Variants in FOXP2 observed in about 807,000 individuals in gnomAD.
FOXP2 encodes forkhead box P2.
FOXP2 carries 12 observed loss-of-function variants against 115.8 expected under a neutral mutation model. That is an observed-to-expected ratio of 0.10 (90% CI 0.07 to 0.17). The LOEUF is 0.17. Ranked by LOEUF, FOXP2 falls within the 10% of genes least tolerant of loss-of-function variation. The pLI, the probability that FOXP2 is intolerant of heterozygous loss-of-function variation, is 1.00. For missense variants in FOXP2, 629 were observed against 843.5 expected (o/e 0.75, Z 3.15); for synonymous variants, 328 against 297.7 (o/e 1.10, Z -1.05).
chr7:114,249,337 T>C lies in FOXP2; in HGVS notation c.-101-38682T>C, dbSNP rs554928929. Among the ~76,000 whole-genome samples the C allele has an allele frequency of 2.0e-5, 3 of 152,184 alleles. No homozygotes were observed. In the East Asian group the frequency reaches 5.8e-4, roughly 29 times the overall value. ...CCCAGATATTATGCCCAACATGCAT[T>C]AGCTGTTTTTCCTGATGCTCTCCTT... On this transcript the variant is annotated intron_variant, in intron 1 of 17. Coordinates refer to the FOXP2 transcript ENST00000634411.
At position 114,367,119 on chromosome 7, in the gene FOXP2, A is replaced by G. The variant is rs765368767; in HGVS notation, c.-10-59383A>G. On this transcript the variant is annotated intron_variant, in intron 2 of 17. Transcript: ENST00000634411. ...AACAAATACTTTAATAGTATTAAATAGTACAGTTCAGAAGTTTTAAACTCA... is the reference window on the plus strand; with the variant it reads ...AACAAATACTTTAATAGTATTAAATGGTACAGTTCAGAAGTTTTAAACTCA... Among the ~76,000 whole-genome samples the G allele has an allele frequency of 4.6e-4, 70 of 152,254 alleles. No homozygotes were observed. The Middle Eastern group carries it at 0.01, about 22-fold the overall frequency.
intron 1 of FOXP2, among the ~76,000 whole-genome samples, chr7:114,264,683 A>T (rs12112522): frequency 1.3e-5 from 2 of 152,090 alleles, no homozygotes; most frequent in African/African-American, 4.8e-5. Flanking sequence ...AGACTGAGCA[A>T]TTTATAAAGA....
rs1424064318 is a variant in FOXP2 at position 114,692,314 on chromosome 7, C to T, written c.*2388C>T. 4.4e-6 allele frequency: 2 copies of T among 453,892 alleles called. No homozygotes were observed. Among genetic ancestry groups the T allele is most frequent in the Non-Finnish European group, 8.8e-6 (2 of 226,704 alleles). The allele number at this position is 453,892 out of a possible 1,614,324, so 28.1% of individuals were successfully genotyped here. Reference sequence around the variant, plus strand: ...AGTCTCAGCCACAGAATGCATATACCTGTAGAGTTTTGCATGGGTTTTATA... The same window carrying T: ...AGTCTCAGCCACAGAATGCATATACTTGTAGAGTTTTGCATGGGTTTTATA... On this transcript the variant is annotated 3_prime_UTR_variant, in exon 17 of 17. Transcript: ENST00000350908.
chr7:114,583,866 G>A (rs1801989356), intron 3 of FOXP2, among the ~76,000 whole-genome samples: 2 of 152,086 alleles, frequency 1.3e-5, no homozygotes, highest in Admixed American at 6.6e-5. Flanking sequence ...TACCAGCCAT[G>A]CAAATTTGTT....
At chr7:114,671,080 A>C (rs1170647564) in intron 16 of FOXP2, among the ~76,000 whole-genome samples, 2 of 151,770 alleles carry the variant, frequency 1.3e-5, no homozygotes, top group East Asian at 3.9e-4. Flanking sequence ...CTTCTGATTT[A>C]ATTCCATTTT....
intron 3 of FOXP2, among the ~76,000 whole-genome samples, chr7:114,588,791 G>A (rs753104679): frequency 6.6e-6 from 1 of 152,136 alleles, no homozygotes; most frequent in Non-Finnish European, 1.5e-5. Flanking sequence ...CTAAACCAGA[G>A]CAATGTCTTC....
intron 2 of FOXP2, among the ~76,000 whole-genome samples, chr7:114,298,580 A>G (rs1050713534): frequency 1.3e-5 from 2 of 152,190 alleles, no homozygotes; most frequent in Non-Finnish European, 2.9e-5. Flanking sequence ...TATAATCTTC[A>G]TTTAACAGAT....
chr7:114,130,122 T>C (rs989866986), intron 1 of FOXP2, among the ~76,000 whole-genome samples: 1 of 152,056 alleles, frequency 6.6e-6, no homozygotes, highest in African/African-American at 2.4e-5. Flanking sequence ...AAGACTAGCC[T>C]AGGTAATGTG....
intron 1 of FOXP2, among the ~76,000 whole-genome samples, chr7:114,263,564 C>G (rs558776069): frequency 6.6e-6 from 1 of 151,720 alleles, no homozygotes; most frequent in African/African-American, 2.4e-5. Flanking sequence ...AATGCTCCTT[C>G]CACCTCAGCC....
Position 114,258,334 on chromosome 7 carries a change from A to T in FOXP2, c.-101-29685A>T, listed in dbSNP as rs1262541770. Among the ~76,000 whole-genome samples, 4 of 152,208 alleles carry T rather than the reference A, an allele frequency of 2.6e-5. No individual in the cohort carries two copies. In the East Asian group the frequency reaches 7.7e-4, roughly 29 times the overall value. ...TACTGTGTTTGGTGGATATCCTATG[A>T]TTGGTTAATGTTCCTATGCAAAGGA... On this transcript the variant is annotated intron_variant, in intron 1 of 17. Coordinates refer to the FOXP2 transcript ENST00000634411.
At chr7:114,100,586 A>T (rs1288478519) in intron 1 of FOXP2, among the ~76,000 whole-genome samples, 1 of 152,138 alleles carries the variant, frequency 6.6e-6, no homozygotes, top group Non-Finnish European at 1.5e-5. Flanking sequence ...AGAAATTCTA[A>T]TTCTTTTATT....
At chr7:114,651,982 G>C (rs923988759) in intron 8 of FOXP2, among the ~76,000 whole-genome samples, 1 of 152,132 alleles carries the variant, frequency 6.6e-6, no homozygotes. Context: ...TAAGCTTAGA[G>C]ACAGTGACAT....
intron 3 of FOXP2, among the ~76,000 whole-genome samples, chr7:114,595,903 C>A (rs1476906127): frequency 1.3e-5 from 2 of 151,790 alleles, no homozygotes; most frequent in Non-Finnish European, 2.9e-5. Flanking sequence ...AGGAGTTTAC[C>A]ATAAGAGTTG....
intron 2 of FOXP2, among the ~76,000 whole-genome samples, chr7:114,436,139 G>A (rs1241410983): frequency 1.3e-5 from 2 of 151,974 alleles, no homozygotes; most frequent in South Asian, 2.1e-4. Flanking sequence ...GTAGTCTTGG[G>A]CAAATCACTG....
intron 1 of FOXP2, among the ~76,000 whole-genome samples, chr7:114,253,432 T>A (rs1331627428): frequency 4.6e-5 from 7 of 152,176 alleles, no homozygotes; most frequent in African/African-American, 1.7e-4. Context: ...AGTCTAAGTC[T>A]CTTTGTAGGT....
intron 2 of FOXP2, among the ~76,000 whole-genome samples, chr7:114,531,057 C>T (rs1471478760): frequency 6.6e-6 from 1 of 151,666 alleles, no homozygotes; most frequent in Non-Finnish European, 1.5e-5. Flanking sequence ...ATGTGCACCC[C>T]TAATTAAAAA....
intron 6 of FOXP2, among the ~76,000 whole-genome samples, chr7:114,642,137 A>AT (rs937260532): frequency 2.0e-5 from 3 of 150,902 alleles, no homozygotes; most frequent in South Asian, 2.1e-4. Context: ...ACATGCAGGG[A>AT]TTTTTTTTTA....
At chr7:114,330,074 G>A (rs2129182753) in intron 2 of FOXP2, among the ~76,000 whole-genome samples, 1 of 152,214 alleles carries the variant, frequency 6.6e-6, no homozygotes, top group South Asian at 2.1e-4. Flanking sequence ...TCATCACAAT[G>A]AGTAATTCTT....
chr7:114,237,816 A>G (rs953490880), intron 1 of FOXP2, among the ~76,000 whole-genome samples: 34 of 152,252 alleles, frequency 2.2e-4, no homozygotes, highest in African/African-American at 7.9e-4. Context: ...TCTACTAAAA[A>G]TACAAAAAAT....
Sources: allele counts gnomAD v4.1 joint callset (sites outside exome capture counted in the v4.1 genomes callset), GRCh38; gene constraint gnomAD v4.1.1; transcripts MANE v1.5; gene names NCBI Gene and HGNC (gene_info 2026-07-23, HGNC 2026-07-21).